Variants in DNAH17 observed in about 807,000 individuals in gnomAD.
DNAH17 encodes dynein axonemal heavy chain 17, also known as axonemal beta dynein heavy chain 17.
In DNAH17, 376 loss-of-function variants were observed where a neutral mutation model predicts 485.6. The observed-to-expected ratio is 0.77, with a 90% CI of 0.71 to 0.84. DNAH17 has a LOEUF of 0.84. Among genes scored for constraint, DNAH17 ranks in the 40% least tolerant of loss-of-function variants. The probability of loss-of-function intolerance (pLI) is 0.00; values close to 1 mark genes in which losing one functional copy is unlikely to be tolerated. For missense variants in DNAH17, 6,370 were observed against 5,839.3 expected (o/e 1.09, Z -2.96); for synonymous variants, 3,031 against 2,405.9 (o/e 1.26, Z -7.60).
chr17:78,555,191 C>G (rs2091993030), intron 14 of DNAH17, among the ~76,000 whole-genome samples: 1 of 152,144 alleles, frequency 6.6e-6, no homozygotes, highest in African/African-American at 2.4e-5. Context: ...AAGGATGCAT[C>G]TACAGGATTA....
chr17:78,506,140 A>ATTTT lies in DNAH17; in HGVS notation c.4803+576_4803+579dup, dbSNP rs66859821. 2.8e-3 allele frequency among the ~76,000 whole-genome samples: 363 copies of ATTTT among 128,270 alleles called. 12 individuals are homozygous for ATTTT. Among genetic ancestry groups the ATTTT allele is most frequent in the East Asian group, 0.016 (68 of 4,342 alleles). 84.2% of individuals were successfully genotyped at this position (128,270 alleles called of 152,430 possible). ...CAAGCGCTTTCCCTTCACCTAGTTA[A>ATTTT]TTTTTTTTTTTTTTTTTTGAGACAG... On this transcript the variant is annotated intron_variant, in intron 30 of 80. Coordinates refer to ENST00000389840, the MANE Select transcript of DNAH17 (RefSeq NM_173628.4).
chr17:78,473,292 C>G (rs1227790041), intron 54 of DNAH17, among the ~76,000 whole-genome samples: 1 of 152,166 alleles, frequency 6.6e-6, no homozygotes, highest in Non-Finnish European at 1.5e-5. Context: ...CGCCTGTAAT[C>G]CCAGCACTCT....
chr17:78,498,998 G>A lies in DNAH17; in HGVS notation c.5745+10C>T, dbSNP rs779625536. 2 of 1,599,266 alleles carry A rather than the reference G, an allele frequency of 1.3e-6. No homozygotes were observed. Among genetic ancestry groups the A allele is most frequent in the Non-Finnish European group, 1.7e-6 (2 of 1,172,910 alleles). ...GACGTGACCCCGAGGCCGCAGGCAG[G>A]GGACTTTACCTGCACGGCAATCACA... On this transcript the variant is annotated intron_variant, in intron 37 of 80. Coordinates refer to ENST00000389840, the MANE Select transcript of DNAH17 (RefSeq NM_173628.4).
intron 19 of DNAH17, 139 bp from the exon 20 acceptor site, chr17:78,532,875 C>T (rs2091278961): frequency 2.4e-5 from 26 of 1,072,184 alleles, no homozygotes; most frequent in Non-Finnish European, 3.1e-5. Context: ...GCTCTTTTTC[C>T]AGCCTGGGCC....
At chr17:78,449,616 G>C (rs58748314) in intron 68 of DNAH17, 32 bp from the exon 69 acceptor site, 1 of 1,574,396 alleles carries the variant, frequency 6.4e-7, no homozygotes, top group African/African-American at 1.4e-5. Flanking sequence ...CCATGGAGGC[G>C]TGCAGAGATG....
At chr17:78,568,735 G>A (rs550510373) in intron 9 of DNAH17, among the ~76,000 whole-genome samples, 1 of 152,304 alleles carries the variant, frequency 6.6e-6, no homozygotes, top group East Asian at 1.9e-4. Flanking sequence ...ACAGGTGTGA[G>A]CCACTGGGCT....
rs144209606 is a variant in DNAH17 at position 78,427,087 on chromosome 17, T to C, written c.12610A>G (p.Ile4204Val). 2.0e-4 allele frequency: 315 copies of C among 1,581,920 alleles called. No homozygotes were observed. The highest frequency in any genetic ancestry group is 2.5e-4 in the Non-Finnish European group (290 of 1,164,250). The change falls in exon 78 of 81, where the codon ATC becomes GTC. Residue 4204 changes from isoleucine (I) to valine (V), a missense_variant. By Grantham distance (29) the Ile-to-Val change is conservative. Transcript: ENST00000389840. ...AAAGTCTCCGGAATCTTCTCCAGGA[T>C]GTCGTCCAGCACGGCCTTCACCTGG... is the stretch of plus-strand genomic sequence containing the variant. Reference protein sequence around the residue: ...EEKVKAVLDDILEKIPETFNM... With the variant: ...EEKVKAVLDDVLEKIPETFNM...
intron 60 of DNAH17, among the ~76,000 whole-genome samples, 180 bp downstream of exon 60, chr17:78,459,604 G>A (rs111321314): frequency 3.9e-4 from 60 of 152,350 alleles, no homozygotes; most frequent in African/African-American, 1.4e-3. Context: ...CCTGTAGCCT[G>A]AAGGTTCCCG....
rs754065882 is a variant in DNAH17 at position 78,514,756 on chromosome 17, C to T, written c.4113+18G>A. ...GCCGCCAGGGGCGGTCCCCTCCGCC[C>T]ACCATGGTGCATGGTACCTGGGTGG... On this transcript the variant is annotated intron_variant, in intron 26 of 80. Coordinates refer to ENST00000389840, the MANE Select transcript of DNAH17 (RefSeq NM_173628.4). 2 of 1,611,404 alleles carry T rather than the reference C, an allele frequency of 1.2e-6. No homozygotes were observed. Among genetic ancestry groups the T allele is most frequent in the Non-Finnish European group, 8.5e-7 (1 of 1,178,368 alleles).
At chr17:78,495,819 GT>G in intron 38 of DNAH17, 55 bp downstream of exon 38, 1 of 1,575,114 alleles carries the variant, frequency 6.3e-7, no homozygotes, top group Admixed American at 1.7e-5. Context: ...GCACTGGGAC[GT>G]TGCTGTGGCC....
At position 78,454,574 on chromosome 17, in the gene DNAH17, G is replaced by A. The variant is rs1414350201; in HGVS notation, c.10302C>T (p.Asn3434=). ...MSTENATILG[N]TERWPLIVDA... Reference sequence around the variant, plus strand: ...CCACGATCAGCGGCCACCGCTCGGTGTTGCCCAGGATGGTGGCATTCTCGG... The same window carrying A: ...CCACGATCAGCGGCCACCGCTCGGTATTGCCCAGGATGGTGGCATTCTCGG... Residue 3434 remains asparagine (N), a synonymous_variant, in exon 64 of 81, where the codon AAC becomes AAT. Coordinates refer to ENST00000389840, the MANE Select transcript of DNAH17 (RefSeq NM_173628.4). 1.9e-6 allele frequency: 3 copies of A among 1,613,136 alleles called. No individual in the cohort carries two copies. Among genetic ancestry groups the A allele is most frequent in the Non-Finnish European group, 2.5e-6 (3 of 1,179,868 alleles).
At chr17:78,443,370 C>A (rs949635808) in intron 71 of DNAH17, among the ~76,000 whole-genome samples, 1 of 152,274 alleles carries the variant, frequency 6.6e-6, no homozygotes. Flanking sequence ...GACCCTGGGA[C>A]ACAGCTGGCA....
chr17:78,503,058 T>C, intron 31 of DNAH17, 47 bp from the exon 32 acceptor site: 2 of 1,560,564 alleles, frequency 1.3e-6, no homozygotes, highest in East Asian at 2.3e-5. Context: ...TGTGCCTGCC[T>C]CTAGTTCCAA....
At position 78,530,385 on chromosome 17, in the gene DNAH17, C is replaced by G; in HGVS notation, c.3242G>C (p.Gly1081Ala). The change falls in exon 21 of 81, where the codon GGC becomes GCC. Residue 1081 changes from glycine (G) to alanine (A), a missense_variant. Coordinates refer to ENST00000389840, the MANE Select transcript of DNAH17 (RefSeq NM_173628.4). ...GCTCAGGTGCCGCTTGAACATGAAG[C>G]CCCAGCGCCGGATTGTGCTGAGCAG... The part of the protein sequence containing the change: ...QALLSTIRRW[G>A]FMFKRHLSNH... The G allele has an allele frequency of 6.2e-7, 1 of 1,612,930 alleles. No homozygotes were observed. The highest frequency in any genetic ancestry group is 2.2e-5 in the East Asian group (1 of 44,864).
intron 44 of DNAH17, among the ~76,000 whole-genome samples, chr17:78,487,544 T>C (rs2089666226): frequency 6.6e-6 from 1 of 151,782 alleles, no homozygotes; most frequent in African/African-American, 2.4e-5. Context: ...ACTCATTTTT[T>C]TTCTTCTTCT....
chr17:78,452,654 C>T (rs2087603745), intron 65 of DNAH17, among the ~76,000 whole-genome samples: 1 of 152,238 alleles, frequency 6.6e-6, no homozygotes, highest in Admixed American at 6.5e-5. Flanking sequence ...AGGAGAATCA[C>T]TTGAACCCAG....
intron 54 of DNAH17, among the ~76,000 whole-genome samples, chr17:78,471,196 G>A (rs1047070033): frequency 3.3e-5 from 5 of 152,208 alleles, no homozygotes; most frequent in African/African-American, 1.2e-4. Context: ...CCGACTCCCT[G>A]AAATCTCTCT....
In DNAH17 at chr17:78,465,486, A is replaced by C. The variant is rs1203131501; in HGVS notation, c.8940+1169T>G. On this transcript the variant is annotated intron_variant, in intron 56 of 80. Transcript: ENST00000389840. ...CTGCCATCCCACCTAGGAAGTGAGG[A>C]ACACCTCTTCCCGGCCGCCATCACA... Among the ~76,000 whole-genome samples the C allele has an allele frequency of 8.1e-3, 824 of 101,456 alleles. 18 individuals are homozygous for C. Among genetic ancestry groups the C allele is most frequent in the East Asian group, 0.065 (171 of 2,644 alleles). The allele number at this position is 101,456 out of a possible 152,430, so 66.6% of individuals were successfully genotyped here. A position where few individuals can be genotyped will look rare whatever the true frequency, so the allele number is the denominator to read the frequency against.
intron 69 of DNAH17, among the ~76,000 whole-genome samples, chr17:78,448,748 G>A (rs141024706): frequency 3.3e-4 from 50 of 152,324 alleles, no homozygotes; most frequent in African/African-American, 1.1e-3. Context: ...GATCAAGGGA[G>A]TGGGTTTGTT....
Sources: gnomAD v4.1 joint callset for allele counts (sites outside exome capture counted in the v4.1 genomes callset) on GRCh38, gnomAD v4.1.1 for gene constraint, MANE v1.5 for transcripts, NCBI Gene and HGNC (gene_info 2026-07-23, HGNC 2026-07-21) for gene names.